The following M1AP variants were observed in gnomAD, a reference collection of about 807,000 sequenced individuals.
The protein encoded by M1AP is meiosis 1 arrest protein.
A neutral mutation model predicts 51.2 loss-of-function variants in M1AP; 39 were observed. The ratio of observed to expected loss-of-function variants is 0.76; its 90% CI spans 0.59 to 1.00. The LOEUF (loss-of-function observed/expected upper bound fraction) is 1.00. Among genes scored for constraint, M1AP ranks in the 50% least tolerant of loss-of-function variants. The pLI is 0.00. For missense variants in M1AP, 545 were observed against 641.2 expected (o/e 0.85, Z 1.62); for synonymous variants, 251 against 249.2 (o/e 1.01, Z -0.07).
At chr2:74,592,952 T>C (rs1047339595) in intron 4 of M1AP, among the ~76,000 whole-genome samples, 2 of 152,192 alleles carry the variant, frequency 1.3e-5, no homozygotes, top group Non-Finnish European at 2.9e-5. Flanking sequence ...ACCTTGAATA[T>C]GTATATAGCT....
chr2:74,643,217 C>T (rs1683411684), intron 1 of M1AP, among the ~76,000 whole-genome samples: 3 of 151,688 alleles, frequency 2.0e-5, no homozygotes, highest in Admixed American at 2.0e-4. Flanking sequence ...TTCACAATTA[C>T]CCAAAACTGA....
chr2:74,605,025 G>A (rs1680887681), intron 4 of M1AP, among the ~76,000 whole-genome samples: 1 of 152,032 alleles, frequency 6.6e-6, no homozygotes, highest in South Asian at 2.1e-4. Flanking sequence ...TGGCTAACAT[G>A]GTGAAAGAAA....
rs532679987 is a variant in M1AP, at chr2:74,572,705, TG to T, written c.1074+2732del. ...CTCAGCCTCCTCCATCTGCAAAAGT[TG>T]GGATAACAATCTCTACTTCAGATTA... On this transcript the variant is annotated intron_variant, in intron 7 of 10. Coordinates refer to ENST00000421985, the MANE Select transcript of M1AP (RefSeq NM_001321739.2). Among the ~76,000 whole-genome samples, 18 of 152,300 alleles carry T rather than the reference TG, an allele frequency of 1.2e-4. No individual in the cohort carries two copies. In the South Asian group the frequency reaches 3.7e-3, roughly 32 times the overall value.
intron 1 of M1AP, chr2:74,647,529 T>G (rs1249779083): frequency 2.3e-4 from 90 of 392,482 alleles, no homozygotes; most frequent in Admixed American, 6.4e-5. Context: ...AAATCTCATT[T>G]CCCCCTCCTG....
chr2:74,610,799 A>T (rs1229677541), intron 3 of M1AP, among the ~76,000 whole-genome samples: 1 of 152,140 alleles, frequency 6.6e-6, no homozygotes, highest in Non-Finnish European at 1.5e-5. Flanking sequence ...ATTCAGTATG[A>T]GTTAGCTGTA....
At chr2:74,592,055 G>A (rs748943674) in intron 4 of M1AP, among the ~76,000 whole-genome samples, 6 of 151,454 alleles carry the variant, frequency 4.0e-5, no homozygotes, top group East Asian at 3.9e-4. Context: ...CACCCACCTC[G>A]GCCTCCCAAA....
intron 4 of M1AP, among the ~76,000 whole-genome samples, chr2:74,582,830 G>C (rs1199213773): frequency 6.6e-6 from 1 of 152,044 alleles, no homozygotes; most frequent in South Asian, 2.1e-4. Flanking sequence ...AGACCAGCCT[G>C]GCCAACATGG....
intron 8 of M1AP, among the ~76,000 whole-genome samples, chr2:74,561,413 A>G (rs1305121307): frequency 2.6e-5 from 4 of 151,788 alleles, no homozygotes; most frequent in African/African-American, 7.3e-5. Flanking sequence ...AAACACAGGT[A>G]TACACATATG....
intron 2 of M1AP, among the ~76,000 whole-genome samples, chr2:74,630,564 T>C (rs755936666): frequency 6.6e-6 from 1 of 152,208 alleles, no homozygotes; most frequent in East Asian, 1.9e-4. Context: ...CTCCCACTTA[T>C]GAGTGAGAAC....
At chr2:74,599,659 T>G (rs1020376786) in intron 4 of M1AP, among the ~76,000 whole-genome samples, 1 of 152,172 alleles carries the variant, frequency 6.6e-6, no homozygotes, top group Non-Finnish European at 1.5e-5. Context: ...AATAGCTTTA[T>G]AAACCATCTA....
intron 7 of M1AP, among the ~76,000 whole-genome samples, chr2:74,563,435 C>T (rs536968408): frequency 2.6e-5 from 4 of 151,838 alleles, no homozygotes; most frequent in African/African-American, 9.7e-5. Context: ...TCCATCTCTA[C>T]TAAATACAAA....
At chr2:74,616,917 A>G (rs1057006450) in intron 2 of M1AP, among the ~76,000 whole-genome samples, 2 of 152,224 alleles carry the variant, frequency 1.3e-5, no homozygotes, top group African/African-American at 4.8e-5. Context: ...ATTCAGTATC[A>G]ATTTTTATTC....
intron 10 of M1AP, among the ~76,000 whole-genome samples, chr2:74,559,272 C>A (rs1206603107): frequency 6.6e-6 from 1 of 152,110 alleles, no homozygotes; most frequent in African/African-American, 2.4e-5. Flanking sequence ...AATCCCCCGA[C>A]CTTAGCCTCC....
chr2:74,562,029 C>G, intron 8 of M1AP, 188 bp downstream of exon 8: 1 of 985,432 alleles, frequency 1.0e-6, no homozygotes, highest in African/African-American at 1.7e-5. Flanking sequence ...CCTTACCCTG[C>G]TGCCATAATC....
intron 1 of M1AP, among the ~76,000 whole-genome samples, chr2:74,646,754 C>T (rs1456042509): frequency 1.3e-5 from 2 of 152,048 alleles, no homozygotes; most frequent in African/African-American, 4.8e-5. Context: ...TTACATTTCC[C>T]TATACAGTTA....
At chr2:74,596,595 C>A (rs1029470750) in intron 4 of M1AP, among the ~76,000 whole-genome samples, 1 of 151,830 alleles carries the variant, frequency 6.6e-6, no homozygotes, top group Non-Finnish European at 1.5e-5. Context: ...AGAACAACAA[C>A]AACAACAACA....
chr2:74,582,688 C>G (rs188784950), intron 4 of M1AP, among the ~76,000 whole-genome samples: 1 of 152,200 alleles, frequency 6.6e-6, no homozygotes, highest in Non-Finnish European at 1.5e-5. Context: ...TACTTCTATA[C>G]TGTTTGAATT....
At chr2:74,613,856 A>G (rs1237677735) in intron 3 of M1AP, among the ~76,000 whole-genome samples, 1 of 152,174 alleles carries the variant, frequency 6.6e-6, no homozygotes, top group Non-Finnish European at 1.5e-5. Context: ...TGGTATGATC[A>G]TAGCTCAGTG....
intron 2 of M1AP, among the ~76,000 whole-genome samples, chr2:74,622,542 G>A (rs1255721942): frequency 8.4e-6 from 1 of 118,966 alleles, no homozygotes; most frequent in African/African-American, 4.6e-5. Flanking sequence ...GCCATTGCCT[G>A]CTTTTTTTTT....
Sources: gnomAD v4.1 joint callset for allele counts (sites outside exome capture counted in the v4.1 genomes callset) on GRCh38, gnomAD v4.1.1 for gene constraint, MANE v1.5 for transcripts, NCBI Gene and HGNC (gene_info 2026-07-23, HGNC 2026-07-21) for gene names.